The following ANKS1A variants were observed in gnomAD, a reference collection of about 807,000 sequenced individuals.
ANKS1A encodes ankyrin repeat and sterile alpha motif domain containing 1A, also known as ankyrin repeat and SAM domain-containing protein 1A.
Under a neutral mutation model 120.3 loss-of-function variants are expected in ANKS1A, and 55 were observed. The ratio of observed to expected loss-of-function variants is 0.46; its 90% confidence interval spans 0.37 to 0.57. ANKS1A has a LOEUF of 0.57. Ranked by LOEUF, ANKS1A falls within the 20% of genes least tolerant of loss-of-function variation. ANKS1A has a pLI of 0.00. For synonymous variants in ANKS1A, 590 were observed against 604.7 expected (o/e 0.98, Z 0.36); for missense variants, 1,123 against 1,480.3 (o/e 0.76, Z 3.96).
At chr6:35,079,064 C>T (rs1777520770) in intron 14 of ANKS1A, among the ~76,000 whole-genome samples, 1 of 152,200 alleles carries the variant, frequency 6.6e-6, no homozygotes, top group Admixed American at 6.5e-5. Flanking sequence ...AGGGAAGTAC[C>T]GTCTTCCCTG....
chr6:34,908,936 A>G (rs1399932605), intron 1 of ANKS1A, among the ~76,000 whole-genome samples: 6 of 152,222 alleles, frequency 3.9e-5, no homozygotes. Flanking sequence ...ATGGCTAAAA[A>G]TTATTGAAGT....
chr6:34,968,290 G>C (rs1215167808), intron 2 of ANKS1A, among the ~76,000 whole-genome samples: 6 of 152,208 alleles, frequency 3.9e-5, no homozygotes, highest in Non-Finnish European at 4.4e-5. Flanking sequence ...CTTTCAGGTT[G>C]CCCAGCAAAG....
chr6:35,002,139 C>T (rs2127544790), intron 10 of ANKS1A, among the ~76,000 whole-genome samples: 1 of 152,278 alleles, frequency 6.6e-6, no homozygotes, highest in South Asian at 2.1e-4. Flanking sequence ...TTGAAGTTTG[C>T]AACACCCTAA....
intron 9 of ANKS1A, among the ~76,000 whole-genome samples, chr6:34,993,715 A>G (rs1370099766): frequency 1.3e-5 from 2 of 152,170 alleles, no homozygotes; most frequent in African/African-American, 2.4e-5. Flanking sequence ...GTTGGAAGTC[A>G]TTTTGGTTTC....
chr6:35,004,610 A>G (rs1773348609), intron 10 of ANKS1A, among the ~76,000 whole-genome samples: 1 of 152,224 alleles, frequency 6.6e-6, no homozygotes, highest in East Asian at 1.9e-4. Context: ...CATAGTTGCT[A>G]GAGGTGATCA....
intron 13 of ANKS1A, among the ~76,000 whole-genome samples, chr6:35,069,628 C>A (rs557047614): frequency 1.3e-5 from 2 of 151,894 alleles, no homozygotes; most frequent in Admixed American, 1.3e-4. Context: ...GCAGCCCTGA[C>A]CCCCCAGGCT....
intron 10 of ANKS1A, among the ~76,000 whole-genome samples, chr6:35,014,681 G>A (rs1370446534): frequency 1.3e-5 from 2 of 152,212 alleles, no homozygotes; most frequent in African/African-American, 4.8e-5. Flanking sequence ...TTCATTGTTG[G>A]TGCCTTAGCT....
In ANKS1A at chr6:35,017,857, C is replaced by T. The variant is rs926095119; in HGVS notation, c.1808C>T (p.Ala603Val). ...GGAEEGDRSGARSRAPPTSKP... is the reference protein window; with the variant it reads ...GGAEEGDRSGVRSRAPPTSKP... ...GCTGAGGAAGGAGACCGGAGTGGGG[C>T]CAGGAGCCGAGCGCCTCCCACTAGC... The change falls in exon 11 of 24, where the codon GCC (alanine) becomes GTC (valine). Residue 603 changes from alanine to valine, a missense_variant. Transcript: ENST00000360359. 3.7e-6 allele frequency: 6 copies of T among 1,614,178 alleles called. No individual in the cohort carries two copies. Among genetic ancestry groups the T allele is most frequent in the Middle Eastern group, 1.6e-4 (1 of 6,062 alleles).
At chr6:35,061,223 GT>G (rs1346239901) in intron 13 of ANKS1A, among the ~76,000 whole-genome samples, 1 of 152,190 alleles carries the variant, frequency 6.6e-6, no homozygotes, top group Non-Finnish European at 1.5e-5. Flanking sequence ...GGAAATGTGT[GT>G]CCAGTGCTCT....
intron 9 of ANKS1A, among the ~76,000 whole-genome samples, chr6:34,993,424 G>A (rs1036610738): frequency 4.6e-5 from 7 of 152,172 alleles, no homozygotes; most frequent in African/African-American, 1.7e-4. Flanking sequence ...CTCTGGTTCC[G>A]TTATTTCATC....
At chr6:35,062,663 A>G (rs1196414986) in intron 13 of ANKS1A, among the ~76,000 whole-genome samples, 1 of 152,204 alleles carries the variant, frequency 6.6e-6, no homozygotes, top group Non-Finnish European at 1.5e-5. Context: ...GCGAGTTGTC[A>G]TAGGAGAAGT....
intron 13 of ANKS1A, among the ~76,000 whole-genome samples, chr6:35,067,412 G>C (rs1234416872): frequency 6.6e-6 from 1 of 152,182 alleles, no homozygotes; most frequent in South Asian, 2.1e-4. Context: ...CACCCCAGAC[G>C]AACGTGCTGA....
chr6:34,994,453 A>G (rs1581614167), intron 10 of ANKS1A, 31 bp downstream of exon 10: 5 of 1,604,006 alleles, frequency 3.1e-6, no homozygotes, highest in Non-Finnish European at 3.4e-6. Flanking sequence ...GGCAGAACCA[A>G]CTCCAAAGGG....
intron 7 of ANKS1A, 36 bp downstream of exon 7, chr6:34,983,461 C>T (rs1772021401): frequency 1.3e-6 from 2 of 1,513,752 alleles, no homozygotes; most frequent in Non-Finnish European, 9.0e-7. Flanking sequence ...AAGGGGTGCT[C>T]AGCTTGAAAA....
intron 11 of ANKS1A, among the ~76,000 whole-genome samples, chr6:35,033,802 G>A (rs72896254): frequency 0.11 from 16,399 of 152,204 alleles, 1,063 homozygotes; most frequent in African/African-American, 0.15. Flanking sequence ...ATGCATTAAC[G>A]TCTCTCTGTG....
chr6:34,961,772 C>T (rs1002385779), intron 1 of ANKS1A, among the ~76,000 whole-genome samples: 1 of 152,172 alleles, frequency 6.6e-6, no homozygotes, highest in African/African-American at 2.4e-5. Flanking sequence ...GCACTCTCAG[C>T]CGCTTTAACC....
rs1770931255 is a variant in ANKS1A, at chr6:34,967,170, A to G, written c.198-69A>G. On this transcript the variant is annotated intron_variant, in intron 1 of 23. Coordinates refer to ENST00000360359, the MANE Select transcript of ANKS1A (RefSeq NM_015245.3). The stretch of plus-strand genomic sequence containing the variant: ...AGAAATCTTTACTAATTAGCTAGCT[A>G]TCTCTAACTTTGGTTTGTGACTTCG... 3 of 1,472,284 alleles carry G rather than the reference A, an allele frequency of 2.0e-6. No individual in the cohort carries two copies. The African/African-American group carries it at 4.2e-5, about 21-fold the overall frequency. 91.2% of individuals were successfully genotyped at this position (1,472,284 alleles called of 1,614,324 possible).
chr6:35,092,992 C>T (rs2127622975), downstream of ANKS1A, among the ~76,000 whole-genome samples: 1 of 152,166 alleles, frequency 6.6e-6, no homozygotes, highest in South Asian at 2.1e-4. Context: ...ATGGCCACCC[C>T]TGACTTCCTG....
At chr6:34,998,007 C>T (rs1482697930) in intron 10 of ANKS1A, among the ~76,000 whole-genome samples, 11 of 152,174 alleles carry the variant, frequency 7.2e-5, no homozygotes, top group South Asian at 2.1e-4. Flanking sequence ...CTGTGGGATG[C>T]GCCTGCCTCA....
Sources: allele counts gnomAD v4.1 joint callset (sites outside exome capture counted in the v4.1 genomes callset), GRCh38; gene constraint gnomAD v4.1.1; transcripts MANE v1.5; gene names NCBI Gene and HGNC (gene_info 2026-07-23, HGNC 2026-07-21).